The following PALM2AKAP2 variants were observed in gnomAD, a reference collection of about 807,000 sequenced individuals.
The protein encoded by PALM2AKAP2 is PALM2-AKAP2 fusion protein.
A neutral mutation model predicts 71.5 loss-of-function variants in PALM2AKAP2; 37 were observed. The observed-to-expected ratio is 0.52, with a 90% CI of 0.40 to 0.68. PALM2AKAP2 has a LOEUF of 0.68. Among genes scored for constraint, PALM2AKAP2 ranks in the 30% least tolerant of loss-of-function variants. The pLI is 0.00. For missense variants in PALM2AKAP2, 1,224 were observed against 1,191.8 expected (o/e 1.03, Z -0.40); for synonymous variants, 468 against 478.8 (o/e 0.98, Z 0.29).
At chr9:110,086,128 T>G (rs942625937) in intron 1 of PALM2AKAP2, among the ~76,000 whole-genome samples, 2 of 145,662 alleles carry the variant, frequency 1.4e-5, no homozygotes, top group Non-Finnish European at 3.0e-5. Context: ...AAAAAAGAAA[T>G]AACTACAAAG....
chr9:109,703,073 C>T (rs2118587888), intron 1 of PALM2AKAP2, among the ~76,000 whole-genome samples: 1 of 152,264 alleles, frequency 6.6e-6, no homozygotes, highest in Middle Eastern at 3.4e-3. Flanking sequence ...CCCGCCTCGG[C>T]CTCTCAAAGT....
chr9:110,004,505 G>T (rs1832741862), intron 6 of PALM2AKAP2, among the ~76,000 whole-genome samples: 1 of 152,060 alleles, frequency 6.6e-6, no homozygotes, highest in African/African-American at 2.4e-5. Flanking sequence ...ACAATTATGT[G>T]TCTTGGAGTT....
chr9:110,098,838 C>T (rs558262432), intron 1 of PALM2AKAP2, among the ~76,000 whole-genome samples: 2 of 152,368 alleles, frequency 1.3e-5, no homozygotes, highest in East Asian at 1.9e-4. Context: ...CGCACCTCCA[C>T]ATTTTCGAAG....
chr9:110,005,997 G>A (rs1448984970), intron 6 of PALM2AKAP2, among the ~76,000 whole-genome samples: 1 of 152,130 alleles, frequency 6.6e-6, no homozygotes, highest in Non-Finnish European at 1.5e-5. Context: ...GCCTCACCCT[G>A]CTTCGGCTCA....
At chr9:109,671,685 A>G (rs1260335931) in intron 1 of PALM2AKAP2, among the ~76,000 whole-genome samples, 1 of 152,198 alleles carries the variant, frequency 6.6e-6, no homozygotes, top group East Asian at 1.9e-4. Context: ...TGTTTTGGAC[A>G]GTGTGGCTAT....
intron 1 of PALM2AKAP2, among the ~76,000 whole-genome samples, chr9:110,075,548 C>T (rs1008628088): frequency 3.3e-5 from 5 of 151,988 alleles, no homozygotes; most frequent in African/African-American, 1.2e-4. Context: ...GACTTATTTC[C>T]TCCTAATATG....
intron 3 of PALM2AKAP2, among the ~76,000 whole-genome samples, chr9:109,883,914 A>G (rs1829909052): frequency 6.6e-6 from 1 of 152,202 alleles, no homozygotes; most frequent in African/African-American, 2.4e-5. Flanking sequence ...GGAGAGGTAC[A>G]AGAGGGCTGA....
chr9:110,075,972 G>T (rs2118643185), intron 1 of PALM2AKAP2, among the ~76,000 whole-genome samples: 1 of 151,590 alleles, frequency 6.6e-6, no homozygotes, highest in East Asian at 1.9e-4. Flanking sequence ...AGTCTCAAAA[G>T]TGTTAAAAAA....
intron 7 of PALM2AKAP2, among the ~76,000 whole-genome samples, chr9:110,019,095 C>G (rs900478050): frequency 6.6e-6 from 1 of 151,740 alleles, no homozygotes; most frequent in Non-Finnish European, 1.5e-5. Flanking sequence ...AAAAATTAGC[C>G]GGGTGTGATG....
At chr9:109,688,621 A>G (rs565843098) in intron 1 of PALM2AKAP2, among the ~76,000 whole-genome samples, 4 of 152,326 alleles carry the variant, frequency 2.6e-5, no homozygotes, top group African/African-American at 9.6e-5. Flanking sequence ...GCCCCACTTG[A>G]GTTACGATGA....
At chr9:109,910,543 C>A (rs148062934) in intron 3 of PALM2AKAP2, among the ~76,000 whole-genome samples, 2 of 152,280 alleles carry the variant, frequency 1.3e-5, no homozygotes, top group Non-Finnish European at 2.9e-5. Flanking sequence ...GAGAACATGG[C>A]GTCATGGTCT....
At chr9:109,850,592 C>T (rs1228553530) in intron 1 of PALM2AKAP2, among the ~76,000 whole-genome samples, 2 of 152,130 alleles carry the variant, frequency 1.3e-5, no homozygotes, top group Non-Finnish European at 2.9e-5. Flanking sequence ...AGCATTGACC[C>T]TTGAGAGCTA....
exon 2 of PALM2AKAP2, chr9:110,136,231 C>G: frequency 2.5e-6 from 4 of 1,614,164 alleles, no homozygotes; most frequent in Non-Finnish European, 3.4e-6. Flanking sequence ...CCCCAGATCA[C>G]AAAAACATGG....
intron 6 of PALM2AKAP2, chr9:109,943,222 G>A (rs1473581336): frequency 1.9e-6 from 3 of 1,614,212 alleles, no homozygotes; most frequent in Non-Finnish European, 2.5e-6. Context: ...CCTCATTGAT[G>A]AAGATGATGA....
At chr9:109,933,897 G>T (rs1264081598) in intron 6 of PALM2AKAP2, among the ~76,000 whole-genome samples, 2 of 152,172 alleles carry the variant, frequency 1.3e-5, no homozygotes, top group Non-Finnish European at 2.9e-5. Context: ...GGTTAATGGT[G>T]ACTACACAGA....
At chr9:109,974,643 CT>C (rs1832136305) in intron 6 of PALM2AKAP2, among the ~76,000 whole-genome samples, 1 of 152,158 alleles carries the variant, frequency 6.6e-6, no homozygotes, top group Admixed American at 6.5e-5. Flanking sequence ...AAAAAATCCC[CT>C]GCAATGGTTT....
chr9:109,715,798 T>C (rs997434375), intron 1 of PALM2AKAP2, among the ~76,000 whole-genome samples: 1 of 152,246 alleles, frequency 6.6e-6, no homozygotes, highest in African/African-American at 2.4e-5. Flanking sequence ...TTAGAGGTCA[T>C]GCTTAGAATT....
At chr9:109,957,202 C>T (rs1484501484) in intron 6 of PALM2AKAP2, among the ~76,000 whole-genome samples, 6 of 152,274 alleles carry the variant, frequency 3.9e-5, no homozygotes, top group Middle Eastern at 3.4e-3. Context: ...AATTTTTCAC[C>T]GATGGAGGCT....
intron 1 of PALM2AKAP2, among the ~76,000 whole-genome samples, chr9:110,062,496 T>C (rs73528421): frequency 1.3e-5 from 2 of 152,346 alleles, no homozygotes; most frequent in African/African-American, 4.8e-5. Context: ...TTAAAACTTA[T>C]GTAAATTAAT....
Sources: allele counts gnomAD v4.1 joint callset (sites outside exome capture counted in the v4.1 genomes callset), GRCh38; gene constraint gnomAD v4.1.1; transcripts MANE v1.5; gene names NCBI Gene and HGNC (gene_info 2026-07-23, HGNC 2026-07-21).